IFT52: variants seen among roughly 807,000 people sequenced by gnomAD.
The protein encoded by IFT52 is intraflagellar transport 52, also known as intraflagellar transport protein 52 homolog.
In IFT52, 44 loss-of-function variants were observed where a neutral mutation model predicts 54.4. That is an observed-to-expected ratio of 0.81 (90% CI 0.63 to 1.04). The LOEUF is 1.04. IFT52 is among the 50% of genes least tolerant of loss of function. The pLI is 0.00. For missense variants in IFT52, 452 were observed against 523.6 expected, an observed-to-expected ratio of 0.86 and a Z score of 1.33; for synonymous variants, 181 against 185.3, an observed-to-expected ratio of 0.98 and a Z score of 0.19.
intron 1 of IFT52, among the ~76,000 whole-genome samples, chr20:43,592,966 G>A (rs6073139): frequency 0.73 from 111,552 of 151,988 alleles, 41,382 homozygotes; most frequent in East Asian, 0.8. Context: ...CTGGACACTG[G>A]TGCGCGCCTG....
At chr20:43,629,672 G>C (rs186887501) in intron 10 of IFT52, among the ~76,000 whole-genome samples, 87 of 152,242 alleles carry the variant, frequency 5.7e-4, no homozygotes, top group Middle Eastern at 6.8e-3. Flanking sequence ...GTAGAGAATA[G>C]CTCCATAGTT....
At chr20:43,595,038 C>T (rs1380275704) in intron 2 of IFT52, among the ~76,000 whole-genome samples, 1 of 151,402 alleles carries the variant, frequency 6.6e-6, no homozygotes, top group Non-Finnish European at 1.5e-5. Context: ...CAAGACTGGC[C>T]GGCACGGTGG....
At chr20:43,604,751 TTTC>T (rs559826547) in intron 5 of IFT52, among the ~76,000 whole-genome samples, 7 of 152,148 alleles carry the variant, frequency 4.6e-5, no homozygotes, top group Non-Finnish European at 1.0e-4. Context: ...TCAAATTATT[TTTC>T]TTCATCTTTT....
At chr20:43,630,233 G>A (rs138911067) in intron 10 of IFT52, among the ~76,000 whole-genome samples, 92 of 152,256 alleles carry the variant, frequency 6.0e-4, no homozygotes, top group African/African-American at 1.9e-3. Context: ...TGACCACTCC[G>A]CTAGCCAGTT....
chr20:43,619,137 T>C, intron 8 of IFT52, 111 bp downstream of exon 8: 1 of 736,646 alleles, frequency 1.4e-6, no homozygotes, highest in Non-Finnish European at 2.2e-6. Context: ...TCAGAACCCA[T>C]TATATGCCAG....
intron 3 of IFT52, among the ~76,000 whole-genome samples, chr20:43,598,372 G>A (rs6073142): frequency 0.69 from 105,362 of 151,990 alleles, 37,561 homozygotes; most frequent in East Asian, 0.8. Flanking sequence ...TCTGCAGATT[G>A]ATTGCCTAAC....
chr20:43,593,005 G>A (rs1401135277), intron 1 of IFT52, among the ~76,000 whole-genome samples: 5 of 152,130 alleles, frequency 3.3e-5, no homozygotes, highest in African/African-American at 9.7e-5. Context: ...AGGTTGAAGT[G>A]GGATGATTGC....
intron 12 of IFT52, among the ~76,000 whole-genome samples, chr20:43,640,557 A>T (rs974246410): frequency 6.6e-6 from 1 of 152,182 alleles, no homozygotes; most frequent in African/African-American, 2.4e-5. Flanking sequence ...TTAGAAAACT[A>T]TTCTAGTTTG....
rs891431689 is a variant in IFT52, at chr20:43,596,904, G to A, written c.207+382G>A. 2.0e-5 allele frequency among the ~76,000 whole-genome samples: 3 copies of A among 151,076 alleles called. 1 individual carries two copies. Among genetic ancestry groups the A allele is most frequent in the Admixed American group, 6.6e-5 (1 of 15,180 alleles). ...ACTACAGGTGCCCACCACCACGCCC[G>A]GCTAATTTTTGTATTTTTGGTGCAG... On this transcript the variant is annotated intron_variant, in intron 3 of 13. Coordinates refer to ENST00000373030, the MANE Select transcript of IFT52 (RefSeq NM_016004.5).
rs1355820841 is a variant in IFT52 at position 43,643,933 on chromosome 20, TA to T, written c.1266+1310del. Among the ~76,000 whole-genome samples the T allele has an allele frequency of 3.5e-5, 2 of 57,064 alleles. 1 individual carries two copies. The highest frequency in any genetic ancestry group is 4.0e-4 in the Admixed American group (2 of 4,956). 37.4% of individuals were successfully genotyped at this position (57,064 alleles called of 152,430 possible). On this transcript the variant is annotated intron_variant, in intron 13 of 13. Transcript: ENST00000373030. ...GGCCAACATGGTGAAACCCCATCTCTACTAAAAATACAAAAATTAGCTGGGC... is the reference window on the plus strand; with the variant it reads ...GGCCAACATGGTGAAACCCCATCTCTCTAAAAATACAAAAATTAGCTGGGC...
At chr20:43,612,058 C>A (rs1983491193) in intron 6 of IFT52, among the ~76,000 whole-genome samples, 1 of 151,708 alleles carries the variant, frequency 6.6e-6, no homozygotes, top group South Asian at 2.1e-4. Context: ...ATAATAATAG[C>A]AGATAGTTTT....
chr20:43,609,120 T>C (rs752295953), intron 6 of IFT52, among the ~76,000 whole-genome samples: 1 of 150,834 alleles, frequency 6.6e-6, no homozygotes, highest in Non-Finnish European at 1.5e-5. Flanking sequence ...CACACACCCA[T>C]AGGCCCAGCT....
chr20:43,633,558 AT>A (rs1347650250), intron 10 of IFT52, among the ~76,000 whole-genome samples: 1 of 150,716 alleles, frequency 6.6e-6, no homozygotes, highest in Non-Finnish European at 1.5e-5. Flanking sequence ...AAATACAAAA[AT>A]TTGCTAGGCA....
chr20:43,647,141 G>T lies in IFT52; in HGVS notation c.*158G>T, dbSNP rs1986264166. 11 of 639,374 alleles carry T rather than the reference G, an allele frequency of 1.7e-5. No homozygotes were observed. In the South Asian group the frequency reaches 2.3e-4, roughly 13 times the overall value. 39.6% of individuals were successfully genotyped at this position (639,374 alleles called of 1,614,324 possible). On this transcript the variant is annotated 3_prime_UTR_variant, in exon 14 of 14. Coordinates refer to ENST00000373030, the MANE Select transcript of IFT52 (RefSeq NM_016004.5). ...TTCTGTAATACTCAGATAGGTATAA[G>T]ATTTTTCACAAAATCCTTATGTAAG... is the stretch of plus-strand genomic sequence containing the variant.
At chr20:43,610,444 T>A (rs1489476433) in intron 6 of IFT52, among the ~76,000 whole-genome samples, 2 of 151,946 alleles carry the variant, frequency 1.3e-5, no homozygotes, top group Non-Finnish European at 2.9e-5. Context: ...CTGTCAAGAA[T>A]CAATCTAGGC....
chr20:43,602,143 T>A (rs6073145), intron 3 of IFT52, among the ~76,000 whole-genome samples: 2,432 of 145,622 alleles, frequency 0.017, 79 homozygotes, highest in African/African-American at 0.056. Context: ...CTGATTTTTA[T>A]TTTATTTATT....
chr20:43,620,896 C>G lies in IFT52; in HGVS notation c.739C>G (p.Leu247Val). Residue 247 changes from leucine to valine, a missense_variant, in exon 9 of 14, where the codon CTA becomes GTA. Transcript: ENST00000373030. ...FQWLTTGDIHLNQIDAEDPEI... is the reference protein window; with the variant it reads ...FQWLTTGDIHVNQIDAEDPEI... ...GTGGCTCACGACAGGAGACATCCACCTAAACCAGATTGATGCTGAGGACCC... is the reference window on the plus strand; with the variant it reads ...GTGGCTCACGACAGGAGACATCCACGTAAACCAGATTGATGCTGAGGACCC... The G allele has an allele frequency of 6.2e-7, 1 of 1,612,524 alleles. No homozygotes were observed. The highest frequency in any genetic ancestry group is 1.1e-5 in the South Asian group (1 of 90,740).
intron 10 of IFT52, 62 bp from the exon 11 acceptor site, chr20:43,635,864 C>A: frequency 1.4e-6 from 2 of 1,421,582 alleles, no homozygotes; most frequent in South Asian, 1.2e-5. Flanking sequence ...ACAGTGTGGT[C>A]AGTTAGACGT....
At chr20:43,621,846 G>A (rs1223715781) in intron 9 of IFT52, among the ~76,000 whole-genome samples, 2 of 152,212 alleles carry the variant, frequency 1.3e-5, no homozygotes, top group African/African-American at 4.8e-5. Context: ...TAAGTTAATA[G>A]ATGGTAATGT....
Sources: gnomAD v4.1 joint callset for allele counts (sites outside exome capture counted in the v4.1 genomes callset) on GRCh38, gnomAD v4.1.1 for gene constraint, MANE v1.5 for transcripts, NCBI Gene and HGNC (gene_info 2026-07-23, HGNC 2026-07-21) for gene names.